The following AK8 variants were observed in gnomAD, a reference collection of about 807,000 sequenced individuals.
The protein encoded by AK8 is ATP-AMP transphosphorylase 8.
In AK8, 44 loss-of-function variants were observed where a neutral mutation model predicts 54.6. That is an observed-to-expected ratio of 0.81 (90% CI 0.63 to 1.04). The LOEUF (loss-of-function observed/expected upper bound fraction) is 1.04. Among genes scored for constraint, AK8 ranks in the 50% least tolerant of loss-of-function variants. The pLI is 0.00. For missense variants in AK8, 555 were observed against 613.6 expected (o/e 0.90, Z 1.01); for synonymous variants, 239 against 245.6 (o/e 0.97, Z 0.25).
In AK8 at chr9:132,878,009, C is replaced by G; in HGVS notation, c.84+163G>C. The G allele has an allele frequency of 6.6e-7, 1 of 1,512,676 alleles. No individual in the cohort carries two copies. Among genetic ancestry groups the G allele is most frequent in the Non-Finnish European group, 8.9e-7 (1 of 1,118,718 alleles). 93.7% of individuals were successfully genotyped at this position (1,512,676 alleles called of 1,614,324 possible). A position where few individuals can be genotyped will look rare whatever the true frequency, so the allele number is the denominator to read the frequency against. ...ACCAGGAGCGTCCCCAGCTCGAGGG[C>G]CCCCTCGGGGTCACGGCGACACACG... On this transcript the variant is annotated intron_variant, in intron 1 of 12. Transcript: ENST00000298545. The surrounding 1 kb of genome is among the most constrained non-coding windows in gnomAD (Gnocchi z 4.7).
At chr9:132,811,013 G>A (rs920126586) in intron 10 of AK8, among the ~76,000 whole-genome samples, 2 of 152,196 alleles carry the variant, frequency 1.3e-5, no homozygotes, top group African/African-American at 2.4e-5. Flanking sequence ...CTATAGAGAG[G>A]TGGTTCACAA....
At chr9:132,805,983 C>A (rs543601644) in intron 10 of AK8, among the ~76,000 whole-genome samples, 2 of 151,870 alleles carry the variant, frequency 1.3e-5, no homozygotes, top group Admixed American at 6.6e-5. Context: ...CACCCTACAG[C>A]GGGGGCTCTG....
At chr9:132,812,560 G>GCCCACTGGGATGACGGGTGAGCCGCCGCA (rs1564415176) in intron 10 of AK8, among the ~76,000 whole-genome samples, 4 of 152,290 alleles carry the variant, frequency 2.6e-5, no homozygotes, top group South Asian at 4.1e-4. Flanking sequence ...GAGCCGCCGC[G>GCCCACTGGGATGACGGGTGAGCCGCCGCA]CCCGGCCGCT....
intron 11 of AK8, among the ~76,000 whole-genome samples, chr9:132,780,393 C>T (rs1042728291): frequency 2.6e-5 from 4 of 152,126 alleles, no homozygotes; most frequent in Admixed American, 1.3e-4. Flanking sequence ...GCCTCCCTCC[C>T]CTCGGCAGCT....
At chr9:132,767,831 A>G (rs1838787935) in intron 11 of AK8, among the ~76,000 whole-genome samples, 3 of 152,246 alleles carry the variant, frequency 2.0e-5, no homozygotes, top group Non-Finnish European at 4.4e-5. Context: ...AGAGGTCATT[A>G]TGGTAAGTGA....
intron 11 of AK8, among the ~76,000 whole-genome samples, chr9:132,730,022 C>T (rs1296442477): frequency 2.0e-5 from 3 of 152,152 alleles, no homozygotes; most frequent in Non-Finnish European, 4.4e-5. Flanking sequence ...GTGTTTTCAG[C>T]GGTGCCCAGG....
intron 11 of AK8, among the ~76,000 whole-genome samples, chr9:132,734,987 C>T (rs193053794): frequency 2.2e-4 from 34 of 152,264 alleles, no homozygotes; most frequent in African/African-American, 7.5e-4. Context: ...GTGGAGATCG[C>T]GCCACTGCAC....
In AK8 at chr9:132,836,737, G is replaced by A. The variant is rs898610947; in HGVS notation, c.403-8011C>T. 5.3e-5 allele frequency among the ~76,000 whole-genome samples: 8 copies of A among 152,334 alleles called. No homozygotes were observed. In the East Asian group the frequency reaches 1.5e-3, roughly 29 times the overall value. On this transcript the variant is annotated intron_variant, in intron 5 of 12. Transcript: ENST00000298545. ...GTCTAGTGAGTTAACAGCTACTGTG[G>A]ATTCACCCCAAGGTGGGCTCACGCC...
At chr9:132,865,616 C>T (rs1843557220) in intron 3 of AK8, among the ~76,000 whole-genome samples, 1 of 151,638 alleles carries the variant, frequency 6.6e-6, no homozygotes, top group South Asian at 2.1e-4. Flanking sequence ...AGATCAAGAC[C>T]ATCCTGGCCA....
chr9:132,773,309 C>T (rs935133165), intron 11 of AK8, among the ~76,000 whole-genome samples: 4 of 152,176 alleles, frequency 2.6e-5, no homozygotes, highest in Admixed American at 6.5e-5. Context: ...GAAAGGCCTT[C>T]CCTGATGGCC....
At chr9:132,743,513 C>T (rs901475094) in intron 11 of AK8, among the ~76,000 whole-genome samples, 4 of 152,340 alleles carry the variant, frequency 2.6e-5, no homozygotes, top group African/African-American at 9.6e-5. Flanking sequence ...CGCTACCCAC[C>T]GCCAGATTCC....
chr9:132,822,761 T>C (rs1337104085), intron 9 of AK8, among the ~76,000 whole-genome samples: 1 of 152,076 alleles, frequency 6.6e-6, no homozygotes, highest in Non-Finnish European at 1.5e-5. Flanking sequence ...GGTTCAGAAA[T>C]TGTCTGCCTG....
intron 11 of AK8, among the ~76,000 whole-genome samples, chr9:132,755,088 C>T (rs537924781): frequency 2.0e-5 from 3 of 152,324 alleles, no homozygotes; most frequent in East Asian, 1.9e-4. Context: ...CATGAGCCAC[C>T]GTGCCCCACC....
chr9:132,725,642 G>A lies in AK8; in HGVS notation c.*46C>T. On this transcript the variant is annotated 3_prime_UTR_variant, in exon 13 of 13. Transcript: ENST00000298545. ...TGCCGAGGCTGGGGGGCTGGGGGCA[G>A]GGGATTAACTCTTTCCCTGGGGCAG... is the stretch of plus-strand genomic sequence containing the variant. 6.7e-7 allele frequency: 1 copy of A among 1,503,752 alleles called. No individual in the cohort carries two copies. The highest frequency in any genetic ancestry group is 9.1e-7 in the Non-Finnish European group (1 of 1,103,774). The allele number at this position is 1,503,752 out of a possible 1,614,324, so 93.2% of individuals were successfully genotyped here.
intron 11 of AK8, among the ~76,000 whole-genome samples, chr9:132,777,901 G>A (rs1364421714): frequency 2.6e-5 from 4 of 152,198 alleles, no homozygotes; most frequent in Non-Finnish European, 5.9e-5. Context: ...CTTGTCCACC[G>A]ACACTGTGGA....
At chr9:132,761,860 CCTCT>C (rs766524420) in intron 11 of AK8, among the ~76,000 whole-genome samples, 144 of 146,994 alleles carry the variant, frequency 9.8e-4, no homozygotes, top group Non-Finnish European at 1.7e-3. Context: ...TTCTTTTCTT[CCTCT>C]CTCTCTCTCT....
intron 11 of AK8, among the ~76,000 whole-genome samples, chr9:132,733,875 C>T (rs1054670011): frequency 6.6e-6 from 1 of 152,142 alleles, no homozygotes; most frequent in African/African-American, 2.4e-5. Context: ...TGGCCAGGGG[C>T]GGGCACTCTA....
chr9:132,763,745 C>T (rs1297367495), intron 11 of AK8, among the ~76,000 whole-genome samples: 1 of 152,230 alleles, frequency 6.6e-6, no homozygotes, highest in African/African-American at 2.4e-5. Flanking sequence ...TGAGCCTGTT[C>T]TGGTTTGGGG....
At chr9:132,765,802 C>A (rs932814732) in intron 11 of AK8, among the ~76,000 whole-genome samples, 1 of 152,148 alleles carries the variant, frequency 6.6e-6, no homozygotes, top group Non-Finnish European at 1.5e-5. Context: ...CCACTCTCAT[C>A]GCTCTTATTC....
Sources: gnomAD v4.1 joint callset for allele counts (sites outside exome capture counted in the v4.1 genomes callset) on GRCh38, gnomAD v4.1.1 for gene constraint, Gnocchi (gnomAD v3.1) non-coding constraint, MANE v1.5 for transcripts, NCBI Gene and HGNC (gene_info 2026-07-23, HGNC 2026-07-21) for gene names.